Variants in SPINK8 observed in about 807,000 individuals in gnomAD.
The protein encoded by SPINK8 is serine peptidase inhibitor Kazal type 8 (putative).
A neutral mutation model predicts 14.4 loss-of-function variants in SPINK8; 12 were observed. The observed-to-expected ratio is 0.83, with a 90% CI of 0.53 to 1.35. The LOEUF (loss-of-function observed/expected upper bound fraction) is 1.35. Among genes scored for constraint, SPINK8 ranks in the 40% most tolerant of loss-of-function variants. SPINK8 has a pLI of 0.00. For synonymous variants in SPINK8, 32 were observed against 37.6 expected (o/e 0.85, Z 0.55); for missense variants, 103 against 117.0 (o/e 0.88, Z 0.55).
At chr3:48,325,187 A>T (rs575861482) in intron 4 of SPINK8, among the ~76,000 whole-genome samples, 1 of 152,038 alleles carries the variant, frequency 6.6e-6, no homozygotes, top group East Asian at 1.9e-4. Context: ...GAATCTAAGG[A>T]GTATCTCCAT....
chr3:48,328,150 A>T, intron 4 of SPINK8, 125 bp downstream of exon 4: 1 of 714,214 alleles, frequency 1.4e-6, no homozygotes, highest in Non-Finnish European at 2.2e-6. Context: ...TTTAATTTCT[A>T]CATTTGTAAC....
chr3:48,309,259 A>G (rs1325623546), intron 7 of SPINK8, among the ~76,000 whole-genome samples: 4 of 152,224 alleles, frequency 2.6e-5, no homozygotes, highest in African/African-American at 9.7e-5. Flanking sequence ...TCATAATGCA[A>G]TAATGATCTC....
intron 4 of SPINK8, among the ~76,000 whole-genome samples, chr3:48,322,945 C>T (rs1463363481): frequency 1.9e-4 from 29 of 152,138 alleles, no homozygotes; most frequent in Admixed American, 1.9e-3. Context: ...TAAGTATATA[C>T]AAAGTGTGGA....
At chr3:48,332,900 C>T (rs1379838136) in intron 1 of SPINK8, among the ~76,000 whole-genome samples, 1 of 152,128 alleles carries the variant, frequency 6.6e-6, no homozygotes, top group African/African-American at 2.4e-5. Context: ...GGTACACACA[C>T]TCTGGGCTGA....
At chr3:48,321,838 A>C (rs1247194306) in intron 4 of SPINK8, among the ~76,000 whole-genome samples, 1 of 151,708 alleles carries the variant, frequency 6.6e-6, no homozygotes, top group African/African-American at 2.4e-5. Flanking sequence ...TTTCAGACAG[A>C]GTCTTGCTCT....
intron 6 of SPINK8, among the ~76,000 whole-genome samples, chr3:48,312,725 G>C (rs1237422215): frequency 6.6e-6 from 1 of 151,748 alleles, no homozygotes; most frequent in African/African-American, 2.4e-5. Context: ...GGGGCCGGGC[G>C]TGGTGGCTCA....
intron 7 of SPINK8, among the ~76,000 whole-genome samples, chr3:48,309,119 G>A (rs978333328): frequency 1.1e-4 from 17 of 152,326 alleles, no homozygotes; most frequent in South Asian, 1.0e-3. Context: ...GTTTGTCATG[G>A]AGATGGTGTC....
intron 4 of SPINK8, among the ~76,000 whole-genome samples, chr3:48,327,780 G>A (rs910150758): frequency 6.6e-6 from 1 of 152,038 alleles, no homozygotes; most frequent in Admixed American, 6.6e-5. Context: ...TAAGTGAGAC[G>A]CCGTACCAAT....
At chr3:48,307,533 T>TCCCCCCCC (rs2035865686) in intron 7 of SPINK8, among the ~76,000 whole-genome samples, 1 of 132,584 alleles carries the variant, frequency 7.5e-6, no homozygotes, top group African/African-American at 3.4e-5. Flanking sequence ...CCTCCCTATC[T>TCCCCCCCC]GCCCCCCACC....
At chr3:48,314,096 T>C (rs1371581548) in intron 6 of SPINK8, among the ~76,000 whole-genome samples, 1 of 152,160 alleles carries the variant, frequency 6.6e-6, no homozygotes. Context: ...TTTAAAATGG[T>C]TCATTTTATG....
intron 6 of SPINK8, among the ~76,000 whole-genome samples, chr3:48,317,122 A>G (rs564554613): frequency 6.6e-6 from 1 of 152,378 alleles, no homozygotes; most frequent in African/African-American, 2.4e-5. Flanking sequence ...GAATGGGTGT[A>G]CAATGAATAA....
intron 6 of SPINK8, among the ~76,000 whole-genome samples, chr3:48,314,041 G>A (rs138034393): frequency 1.1e-3 from 166 of 152,232 alleles, no homozygotes; most frequent in African/African-American, 3.9e-3. Flanking sequence ...AAAGGTGGCA[G>A]TTTTATAACA....
chr3:48,310,034 T>C (rs930511488), intron 6 of SPINK8, 88 bp from the exon 7 acceptor site: 1 of 1,259,064 alleles, frequency 7.9e-7, no homozygotes. Flanking sequence ...TTTGGCTAAG[T>C]TTGGGAAATA....
intron 3 of SPINK8, among the ~76,000 whole-genome samples, 99 bp downstream of exon 3, chr3:48,329,054 A>G (rs950415996): frequency 1.3e-5 from 2 of 152,168 alleles, no homozygotes; most frequent in African/African-American, 2.4e-5. Context: ...TTTTCATTCT[A>G]TATCGAGGTA....
At chr3:48,309,770 G>C in intron 7 of SPINK8, 134 bp downstream of exon 7, 2 of 1,244,506 alleles carry the variant, frequency 1.6e-6, no homozygotes, top group Non-Finnish European at 2.1e-6. Context: ...AGGCTTATGG[G>C]ATCTATTATT....
At chr3:48,325,575 C>T (rs1445323411) in intron 4 of SPINK8, among the ~76,000 whole-genome samples, 3 of 151,410 alleles carry the variant, frequency 2.0e-5, no homozygotes, top group Admixed American at 1.3e-4. Flanking sequence ...TAGGTCTGCA[C>T]CACCATGCCT....
chr3:48,316,546 C>T (rs1396561373), intron 6 of SPINK8: 2 of 153,236 alleles, frequency 1.3e-5, no homozygotes, highest in African/African-American at 4.8e-5. Context: ...GGAGGGTGGA[C>T]TGCTTGAGCT....
At chr3:48,312,897 C>T (rs1230369469) in intron 6 of SPINK8, among the ~76,000 whole-genome samples, 2 of 151,232 alleles carry the variant, frequency 1.3e-5, no homozygotes, top group Middle Eastern at 3.2e-3. Flanking sequence ...ACTCCGGAGG[C>T]TGAGGCAGGA....
At chr3:48,333,311 T>C (rs2036289707) in intron 1 of SPINK8, among the ~76,000 whole-genome samples, 1 of 152,172 alleles carries the variant, frequency 6.6e-6, no homozygotes, top group Admixed American at 6.5e-5. Flanking sequence ...CGTTTCTTTC[T>C]TAGCATCTGA....
Sources: gnomAD v4.1 joint callset for allele counts (sites outside exome capture counted in the v4.1 genomes callset) on GRCh38, gnomAD v4.1.1 for gene constraint, MANE v1.5 for transcripts, NCBI Gene and HGNC (gene_info 2026-07-23, HGNC 2026-07-21) for gene names.